Variants in PRKN observed in about 807,000 individuals in gnomAD.
PRKN encodes the protein parkin RBR E3 ubiquitin protein ligase.
In PRKN, 56 loss-of-function variants were observed where a neutral mutation model predicts 59.5. The observed-to-expected ratio is 0.94, with a 90% CI of 0.76 to 1.18. The LOEUF (loss-of-function observed/expected upper bound fraction) is 1.18, where lower values mean the gene tolerates loss of function less well. PRKN is among the 50% of genes most tolerant of loss of function. The pLI, the probability that PRKN is intolerant of heterozygous loss-of-function variation, is 0.00. For missense variants in PRKN, 657 were observed against 596.4 expected, an observed-to-expected ratio of 1.10 and a Z score of -1.06; for synonymous variants, 250 against 222.1, an observed-to-expected ratio of 1.13 and a Z score of -1.12.
intron 1 of PRKN, among the ~76,000 whole-genome samples, chr6:162,537,846 T>A (rs1344043494): frequency 6.6e-6 from 1 of 152,160 alleles, no homozygotes; most frequent in Non-Finnish European, 1.5e-5. Context: ...TTAATATTTA[T>A]AGGAAGACTT....
intron 1 of PRKN, among the ~76,000 whole-genome samples, chr6:162,708,932 CTA>C (rs1175324316): frequency 6.6e-6 from 1 of 152,184 alleles, no homozygotes; most frequent in African/African-American, 2.4e-5. Flanking sequence ...CAGGTGCTCC[CTA>C]TCACTTGCCT....
At chr6:161,406,630 A>T (rs1001058685) in intron 9 of PRKN, among the ~76,000 whole-genome samples, 1 of 152,166 alleles carries the variant, frequency 6.6e-6, no homozygotes, top group Non-Finnish European at 1.5e-5. Context: ...GTTTTGGGTT[A>T]ATGGCAATAC....
chr6:162,134,406 T>C (rs1178563571), intron 4 of PRKN, among the ~76,000 whole-genome samples: 2 of 152,230 alleles, frequency 1.3e-5, no homozygotes, highest in Non-Finnish European at 2.9e-5. Context: ...TTTGGTTGTT[T>C]GCTTGTTTTA....
chr6:161,575,782 C>G lies in PRKN; in HGVS notation c.872-6366G>C, dbSNP rs1781107923. On this transcript the variant is annotated intron_variant, in intron 7 of 11. Transcript: ENST00000366898. This position sits in a 1 kb window ranked among gnomAD's most constrained non-coding sequence, Gnocchi z 4.6. ...CGAAACGCTTTGAGGATTAATTTCT[C>G]TCTCGGCTATAGCTTAGAATCCCTA... Among the ~76,000 whole-genome samples the G allele has an allele frequency of 6.6e-6, 1 of 152,228 alleles. No individual in the cohort carries two copies. The highest frequency in any genetic ancestry group is 1.5e-5 in the Non-Finnish European group (1 of 68,048).
At chr6:162,450,512 G>A (rs1207861424) in intron 1 of PRKN, among the ~76,000 whole-genome samples, 2 of 152,166 alleles carry the variant, frequency 1.3e-5, no homozygotes, top group Admixed American at 6.6e-5. Context: ...ACCGCAGCCA[G>A]GTGATCAAGG....
At chr6:162,453,574 T>A (rs915319048) in intron 1 of PRKN, among the ~76,000 whole-genome samples, 1 of 152,084 alleles carries the variant, frequency 6.6e-6, no homozygotes, top group Non-Finnish European at 1.5e-5. Flanking sequence ...ACACAGTTTC[T>A]CTCTCTCAAT....
At chr6:162,405,356 GTCGCCCT>G (rs1224297222) in intron 2 of PRKN, among the ~76,000 whole-genome samples, 1 of 152,158 alleles carries the variant, frequency 6.6e-6, no homozygotes, top group Non-Finnish European at 1.5e-5. Flanking sequence ...GTTTCTCTAA[GTCGCCCT>G]CACACATGCT....
chr6:162,662,799 A>G (rs1429915461), intron 1 of PRKN, among the ~76,000 whole-genome samples: 1 of 152,176 alleles, frequency 6.6e-6, no homozygotes, highest in African/African-American at 2.4e-5. Context: ...TTTTTATACC[A>G]GTATGATGCT....
At chr6:162,421,392 A>T (rs765751083) in intron 2 of PRKN, among the ~76,000 whole-genome samples, 17 of 152,284 alleles carry the variant, frequency 1.1e-4, no homozygotes, top group Middle Eastern at 3.4e-3. Flanking sequence ...CTGCCATCCC[A>T]TGAGACACAG....
chr6:161,863,134 T>A (rs1793975250), intron 6 of PRKN, among the ~76,000 whole-genome samples: 1 of 152,192 alleles, frequency 6.6e-6, no homozygotes, highest in Non-Finnish European at 1.5e-5. Context: ...TTCTTGCCAT[T>A]ATTCTGTTTT....
intron 2 of PRKN, among the ~76,000 whole-genome samples, chr6:162,367,655 T>C (rs1195791678): frequency 6.6e-6 from 1 of 152,162 alleles, no homozygotes. Flanking sequence ...ACAGGCAGGT[T>C]GTGTGTACTA....
At chr6:162,573,303 C>T (rs1388748934) in intron 1 of PRKN, among the ~76,000 whole-genome samples, 1 of 152,126 alleles carries the variant, frequency 6.6e-6, no homozygotes, top group Non-Finnish European at 1.5e-5. Flanking sequence ...TGCAAGCTCC[C>T]CAAGGAGGAC....
intron 4 of PRKN, among the ~76,000 whole-genome samples, chr6:162,197,716 T>C (rs539012188): frequency 6.6e-6 from 1 of 152,188 alleles, no homozygotes; most frequent in South Asian, 2.1e-4. Context: ...TACAAGAATA[T>C]AAGGATAAGG....
chr6:162,284,507 AGCCACCGC>A, intron 2 of PRKN, among the ~76,000 whole-genome samples: 1 of 152,086 alleles, frequency 6.6e-6, no homozygotes, highest in East Asian at 1.9e-4. Context: ...TACAGGCGTG[AGCCACCGC>A]ACCCGGCCAT....
At position 162,658,585 on chromosome 6, in the gene PRKN, C is replaced by T. The variant is rs1390489130; in HGVS notation, c.7+69077G>A. Among the ~76,000 whole-genome samples, 11 of 147,370 alleles carry T rather than the reference C, an allele frequency of 7.5e-5. No homozygotes were observed. The Admixed American group carries it at 7.6e-4, about 10-fold the overall frequency. Reference sequence around the variant, plus strand: ...CTGAGGCAGAAGAATCGCTTGAACCCGGGAGGCGGAGGTTGCAGTGAGCCG... The same window carrying T: ...CTGAGGCAGAAGAATCGCTTGAACCTGGGAGGCGGAGGTTGCAGTGAGCCG... On this transcript the variant is annotated intron_variant, in intron 1 of 11. Transcript: ENST00000366898.
At chr6:161,607,368 G>T (rs1782320968) in intron 7 of PRKN, among the ~76,000 whole-genome samples, 1 of 152,086 alleles carries the variant, frequency 6.6e-6, no homozygotes, top group Admixed American at 6.5e-5. Context: ...AAAGGTAAGA[G>T]ACTCCAAGAA....
chr6:162,592,063 C>A (rs912791628), intron 1 of PRKN, among the ~76,000 whole-genome samples: 2 of 152,198 alleles, frequency 1.3e-5, no homozygotes, highest in Admixed American at 1.3e-4. Context: ...GCAATGGCAC[C>A]ATCCTGGCTC....
At chr6:161,455,112 C>T (rs1789907776) in intron 9 of PRKN, among the ~76,000 whole-genome samples, 1 of 151,022 alleles carries the variant, frequency 6.6e-6, no homozygotes, top group Non-Finnish European at 1.5e-5. Flanking sequence ...GATCTCGGCT[C>T]ACTGCAACCT....
At chr6:162,109,310 T>C (rs572853825) in intron 4 of PRKN, among the ~76,000 whole-genome samples, 11 of 152,328 alleles carry the variant, frequency 7.2e-5, no homozygotes, top group African/African-American at 2.2e-4. Context: ...GTTGGAAGAA[T>C]ATACAGAGAG....
Sources: gnomAD v4.1 joint callset for allele counts (sites outside exome capture counted in the v4.1 genomes callset) on GRCh38, gnomAD v4.1.1 for gene constraint, Gnocchi (gnomAD v3.1) non-coding constraint, MANE v1.5 for transcripts, NCBI Gene and HGNC (gene_info 2026-07-23, HGNC 2026-07-21) for gene names.